The following LRRTM4 variants were observed in gnomAD, a reference collection of about 807,000 sequenced individuals.
LRRTM4 encodes the protein leucine rich repeat transmembrane neuronal 4.
LRRTM4 carries 25 observed loss-of-function variants against 47.6 expected under a neutral mutation model. The observed-to-expected ratio is 0.53, with a 90% CI of 0.38 to 0.73. LRRTM4 has a LOEUF of 0.73. Ranked by LOEUF, LRRTM4 falls within the 30% of genes least tolerant of loss-of-function variation. The pLI, the probability that LRRTM4 is intolerant of heterozygous loss-of-function variation, is 0.00. For missense variants in LRRTM4, 638 were observed against 713.4 expected (o/e 0.89, Z 1.20); for synonymous variants, 311 against 269.5 (o/e 1.15, Z -1.51).
chr2:77,434,895 G>A (rs1283281998), intron 3 of LRRTM4, among the ~76,000 whole-genome samples: 1 of 152,020 alleles, frequency 6.6e-6, no homozygotes, highest in African/African-American at 2.4e-5. Context: ...GTTGGTGAGT[G>A]AATATGTAAA....
At chr2:77,513,280 A>C (rs970573115) in intron 3 of LRRTM4, among the ~76,000 whole-genome samples, 1 of 152,148 alleles carries the variant, frequency 6.6e-6, no homozygotes, top group African/African-American at 2.4e-5. Context: ...TGACAAATGA[A>C]TGTAAGTAGC....
intron 3 of LRRTM4, among the ~76,000 whole-genome samples, chr2:77,435,716 G>A (rs188058065): frequency 1.2e-4 from 18 of 152,176 alleles, no homozygotes; most frequent in African/African-American, 4.3e-4. Flanking sequence ...AGCCCAAAAC[G>A]TTCCTCAATT....
intron 3 of LRRTM4, among the ~76,000 whole-genome samples, chr2:77,081,654 T>C (rs1396115965): frequency 3.3e-5 from 5 of 152,174 alleles, no homozygotes; most frequent in Admixed American, 6.5e-5. Context: ...TGGGGTTCTA[T>C]ATATTTTTCT....
At chr2:77,011,230 T>C (rs1230036701) in intron 3 of LRRTM4, among the ~76,000 whole-genome samples, 2 of 152,186 alleles carry the variant, frequency 1.3e-5, no homozygotes, top group African/African-American at 4.8e-5. Flanking sequence ...TGTAATCACA[T>C]ATAATACTAT....
chr2:76,881,210 T>G (rs1672919193), intron 3 of LRRTM4, among the ~76,000 whole-genome samples: 1 of 152,152 alleles, frequency 6.6e-6, no homozygotes, highest in South Asian at 2.1e-4. Flanking sequence ...ACAGTTATCA[T>G]GTGTCAAATT....
chr2:76,883,521 C>A (rs1209860925), intron 3 of LRRTM4, among the ~76,000 whole-genome samples: 1 of 152,048 alleles, frequency 6.6e-6, no homozygotes, highest in East Asian at 1.9e-4. Context: ...TACACATGCC[C>A]CACTGGAAAA....
intron 3 of LRRTM4, among the ~76,000 whole-genome samples, chr2:77,085,199 TATTTTATTTC>T (rs1388196737): frequency 6.8e-6 from 1 of 147,680 alleles, no homozygotes; most frequent in Non-Finnish European, 1.5e-5. Context: ...TAATACATTT[TATTTTATTTC>T]ATTTTATATA....
At chr2:77,140,988 A>G (rs1218086758) in intron 3 of LRRTM4, among the ~76,000 whole-genome samples, 1 of 152,164 alleles carries the variant, frequency 6.6e-6, no homozygotes, top group East Asian at 1.9e-4. Flanking sequence ...GCTGGAGAGG[A>G]TGTGGAGAAA....
intron 3 of LRRTM4, among the ~76,000 whole-genome samples, chr2:77,049,996 A>G (rs907437639): frequency 1.1e-4 from 17 of 152,128 alleles, no homozygotes; most frequent in Admixed American, 2.0e-4. Flanking sequence ...GAAAGGCAAT[A>G]TTCCTTTTTC....
At chr2:77,429,526 A>G (rs985765268) in intron 3 of LRRTM4, among the ~76,000 whole-genome samples, 14 of 152,226 alleles carry the variant, frequency 9.2e-5, no homozygotes, top group African/African-American at 3.4e-4. Context: ...CCTTAAAAAA[A>G]GAAAAAAAAT....
intron 3 of LRRTM4, among the ~76,000 whole-genome samples, chr2:77,059,789 C>T (rs1282104160): frequency 2.0e-5 from 3 of 152,316 alleles, no homozygotes; most frequent in South Asian, 2.1e-4. Flanking sequence ...ATTTTACCCA[C>T]ATCTTAAAGT....
chr2:77,417,877 G>A lies in LRRTM4; in HGVS notation c.1551+100441C>T, dbSNP rs533925729. Among the ~76,000 whole-genome samples, 29 of 152,072 alleles carry A rather than the reference G, an allele frequency of 1.9e-4. No individual in the cohort carries two copies. The East Asian group carries it at 3.1e-3, about 16-fold the overall frequency. On this transcript the variant is annotated intron_variant, in intron 3 of 3. Coordinates refer to ENST00000409884, the MANE Select transcript of LRRTM4 (RefSeq NM_001134745.3). The stretch of plus-strand genomic sequence containing the variant: ...GTATACATATGTAACAAACCTGCAC[G>A]TTGTGCACATGTACCCTAAAACTTA...
intron 3 of LRRTM4, among the ~76,000 whole-genome samples, chr2:76,786,560 C>T (rs755089105): frequency 6.6e-6 from 1 of 151,928 alleles, no homozygotes; most frequent in Non-Finnish European, 1.5e-5. Context: ...CAATTTTCTG[C>T]TACCTTTTAC....
Position 77,217,842 on chromosome 2 carries a change from C to A in LRRTM4, c.1551+300476G>T, listed in dbSNP as rs899699800. Among the ~76,000 whole-genome samples the A allele has an allele frequency of 6.6e-5, 10 of 152,134 alleles. No individual in the cohort carries two copies. In the East Asian group the frequency reaches 1.7e-3, roughly 27 times the overall value. On this transcript the variant is annotated intron_variant, in intron 3 of 3. Transcript: ENST00000409884. The stretch of plus-strand genomic sequence containing the variant: ...GCATGGAACATTCATATCTTATATA[C>A]CTTGATTCCAAAATAAACACAATGT...
At chr2:77,385,811 G>C (rs573172118) in intron 3 of LRRTM4, among the ~76,000 whole-genome samples, 1 of 134,006 alleles carries the variant, frequency 7.5e-6, no homozygotes, top group Non-Finnish European at 1.5e-5. Context: ...GCCGTGGCAC[G>C]ATCTCAGCTC....
At chr2:77,053,011 G>C (rs1207900352) in intron 3 of LRRTM4, among the ~76,000 whole-genome samples, 2 of 151,982 alleles carry the variant, frequency 1.3e-5, no homozygotes, top group East Asian at 1.9e-4. Context: ...TGAAAAGAAA[G>C]GGATATTTTA....
intron 3 of LRRTM4, among the ~76,000 whole-genome samples, chr2:77,001,205 CCTT>C (rs1280893002): frequency 6.6e-6 from 1 of 152,124 alleles, no homozygotes; most frequent in Non-Finnish European, 1.5e-5. Context: ...TACCAGCCCT[CCTT>C]AAAATCTACA....
intron 3 of LRRTM4, among the ~76,000 whole-genome samples, chr2:77,166,262 A>T (rs1313210610): frequency 1.3e-5 from 2 of 152,164 alleles, no homozygotes; most frequent in African/African-American, 4.8e-5. Context: ...GATGTGAAGG[A>T]CCTCTTCAAG....
chr2:76,777,663 A>T (rs1042060756), intron 3 of LRRTM4, among the ~76,000 whole-genome samples: 5 of 151,152 alleles, frequency 3.3e-5, no homozygotes, highest in African/African-American at 4.9e-5. Flanking sequence ...TTATGGGCTG[A>T]GACAATGGGG....
Sources: allele counts gnomAD v4.1 joint callset (sites outside exome capture counted in the v4.1 genomes callset), GRCh38; gene constraint gnomAD v4.1.1; transcripts MANE v1.5; gene names NCBI Gene and HGNC (gene_info 2026-07-23, HGNC 2026-07-21).